Variants in PRRX1 observed in about 807,000 individuals in gnomAD.
PRRX1 encodes paired related homeobox 1.
Under a neutral mutation model 24.0 loss-of-function variants are expected in PRRX1, and 8 were observed. That is an observed-to-expected ratio of 0.33 (90% CI 0.20 to 0.60). PRRX1 has a LOEUF of 0.60. PRRX1 is among the 20% of genes least tolerant of loss of function. The pLI is 0.82. For synonymous variants in PRRX1, 160 were observed against 131.7 expected (o/e 1.22, Z -1.47); for missense variants, 281 against 322.4 (o/e 0.87, Z 0.98).
At chr1:170,691,083 C>T (rs537183427) in intron 1 of PRRX1, among the ~76,000 whole-genome samples, 20 of 151,994 alleles carry the variant, frequency 1.3e-4, no homozygotes, top group Admixed American at 4.6e-4. Context: ...TGAAAGCTAT[C>T]GAGAGAGCAA....
At chr1:170,709,142 T>C (rs1654665945) in intron 1 of PRRX1, among the ~76,000 whole-genome samples, 1 of 152,172 alleles carries the variant, frequency 6.6e-6, no homozygotes, top group African/African-American at 2.4e-5. Context: ...TTACAGACTG[T>C]CATAAGTGTT....
At chr1:170,674,225 C>T (rs964972746) in intron 1 of PRRX1, among the ~76,000 whole-genome samples, 13 of 151,816 alleles carry the variant, frequency 8.6e-5, no homozygotes, top group East Asian at 3.9e-4. Flanking sequence ...CACGTGTGCG[C>T]GCTTGCGCAC....
At chr1:170,735,857 C>T (rs375268402) in intron 3 of PRRX1, among the ~76,000 whole-genome samples, 191 bp from the exon 4 acceptor site, 1 of 152,290 alleles carries the variant, frequency 6.6e-6, no homozygotes, top group African/African-American at 2.4e-5. Flanking sequence ...CTCTTCAAAA[C>T]ATGACCACTC....
intron 1 of PRRX1, among the ~76,000 whole-genome samples, chr1:170,700,927 C>T (rs879347321): frequency 6.6e-6 from 1 of 152,144 alleles, no homozygotes; most frequent in Non-Finnish European, 1.5e-5. Flanking sequence ...TATCACTTAC[C>T]AGCACTGCAT....
chr1:170,736,150 T>G lies in PRRX1; in HGVS notation c.702T>G (p.Tyr234Ter). The G allele has an allele frequency of 6.2e-7, 1 of 1,614,134 alleles. No individual in the cohort carries two copies. The highest frequency in any genetic ancestry group is 8.5e-7 in the Non-Finnish European group (1 of 1,180,008). Residue 234 changes from tyrosine (Y) to a stop codon, truncating the protein, a stop_gained, in exon 4 of 4, where the codon TAT becomes TAG. Transcript: ENST00000239461. LOFTEE classifies it high-confidence loss of function. ...IANLRLKAKE[Y>*]SLQRNQVPTV... ...ACCTGAGACTGAAGGCCAAGGAATATAGTTTACAGAGGAACCAGGTGCCAA... is the reference window on the plus strand; with the variant it reads ...ACCTGAGACTGAAGGCCAAGGAATAGAGTTTACAGAGGAACCAGGTGCCAA...
At chr1:170,696,625 G>A (rs1654180344) in intron 1 of PRRX1, among the ~76,000 whole-genome samples, 1 of 152,106 alleles carries the variant, frequency 6.6e-6, no homozygotes, top group African/African-American at 2.4e-5. Context: ...TTAAAAGGTA[G>A]GAAAACCTAT....
chr1:170,735,320 T>C (rs1190123884), intron 3 of PRRX1, among the ~76,000 whole-genome samples: 3 of 152,170 alleles, frequency 2.0e-5, no homozygotes, highest in Non-Finnish European at 4.4e-5. Flanking sequence ...AAATCAAGAA[T>C]GCTGAAAATG....
chr1:170,730,371 G>A (rs963930103), intron 3 of PRRX1: 1 of 1,580,926 alleles, frequency 6.3e-7, no homozygotes, highest in African/African-American at 1.3e-5. Context: ...AGGGGGAAGA[G>A]GGTGGCTGCT....
At chr1:170,724,397 T>C (rs12142379) in intron 2 of PRRX1, among the ~76,000 whole-genome samples, 7,194 of 152,338 alleles carry the variant, frequency 0.047, 249 homozygotes, top group Middle Eastern at 0.13. Context: ...TATTTTCTTC[T>C]AGAGCTTTTA....
chr1:170,664,446 C>T lies in PRRX1; in HGVS notation c.228C>T (p.Thr76=), dbSNP rs758685257. Reference sequence around the variant, plus strand: ...CGGGACTCACCAGCGGCAGCGACACCCCGCAGCAGGACAGTGAGTGAGGGG... The same window carrying T: ...CGGGACTCACCAGCGGCAGCGACACTCCGCAGCAGGACAGTGAGTGAGGGG... The part of the protein sequence containing the change: ...ESPGLTSGSD[T]PQQDNDQLNS... The change falls in exon 1 of 4, where the codon ACC becomes ACT. Residue 76 remains threonine, a synonymous_variant. Coordinates refer to ENST00000239461, the MANE Select transcript of PRRX1 (RefSeq NM_022716.4). The T allele has an allele frequency of 6.2e-7, 1 of 1,603,416 alleles. No homozygotes were observed. The highest frequency in any genetic ancestry group is 1.3e-5 in the African/African-American group (1 of 74,822).
chr1:170,698,172 C>A (rs1055796440), intron 1 of PRRX1, among the ~76,000 whole-genome samples: 1 of 152,102 alleles, frequency 6.6e-6, no homozygotes, highest in East Asian at 1.9e-4. Flanking sequence ...AAATAATCAT[C>A]TGTAAGCTTT....
rs1655681341 is a variant in PRRX1 at position 170,738,096 on chromosome 1, T to G, written c.*1910T>G. On this transcript the variant is annotated 3_prime_UTR_variant, in exon 4 of 4. Coordinates refer to ENST00000239461, the MANE Select transcript of PRRX1 (RefSeq NM_022716.4). Reference sequence around the variant, plus strand: ...AATAATTTAAGACACATAGAACAGATTTTTTTAATTTATATTTTCATCCTG... The same window carrying G: ...AATAATTTAAGACACATAGAACAGAGTTTTTTAATTTATATTTTCATCCTG... The G allele has an allele frequency of 4.6e-6, 1 of 216,444 alleles. No individual in the cohort carries two copies. Among genetic ancestry groups the G allele is most frequent in the Admixed American group, 5.8e-5 (1 of 17,228 alleles). 13.4% of individuals were successfully genotyped at this position (216,444 alleles called of 1,614,324 possible).
intron 1 of PRRX1, among the ~76,000 whole-genome samples, chr1:170,674,891 A>G (rs1320638105): frequency 6.6e-6 from 1 of 152,190 alleles, no homozygotes; most frequent in Non-Finnish European, 1.5e-5. Context: ...AGATACAATT[A>G]ATATTTTGGT....
intron 2 of PRRX1, among the ~76,000 whole-genome samples, chr1:170,725,209 G>T (rs1333065118): frequency 1.3e-5 from 2 of 152,074 alleles, no homozygotes; most frequent in African/African-American, 2.4e-5. Flanking sequence ...CTAGATACAG[G>T]ATCAGGTCAT....
intron 1 of PRRX1, among the ~76,000 whole-genome samples, chr1:170,671,758 C>T (rs1167903571): frequency 6.6e-6 from 1 of 152,124 alleles, no homozygotes; most frequent in Admixed American, 6.5e-5. Flanking sequence ...GTCGGGGTTC[C>T]AGGGTGGCAG....
intron 1 of PRRX1, among the ~76,000 whole-genome samples, chr1:170,692,442 TA>T (rs1654020361): frequency 6.6e-6 from 1 of 152,142 alleles, no homozygotes; most frequent in Admixed American, 6.6e-5. Context: ...ACAATGTAGC[TA>T]ACTTTCTAGA....
At chr1:170,693,596 A>G (rs1440008523) in intron 1 of PRRX1, among the ~76,000 whole-genome samples, 1 of 152,160 alleles carries the variant, frequency 6.6e-6, no homozygotes, top group Non-Finnish European at 1.5e-5. Context: ...TAATTTGGAA[A>G]TGTATGTTGT....
At chr1:170,718,555 C>T (rs1026255178) in intron 1 of PRRX1, among the ~76,000 whole-genome samples, 1 of 152,218 alleles carries the variant, frequency 6.6e-6, no homozygotes, top group African/African-American at 2.4e-5. Context: ...TGGCCAAGCT[C>T]TCCTTGTTCT....
chr1:170,688,739 AT>A (rs942246297), intron 1 of PRRX1, among the ~76,000 whole-genome samples: 5 of 152,130 alleles, frequency 3.3e-5, no homozygotes, highest in Admixed American at 3.3e-4. Context: ...TTTTGCACCC[AT>A]TTAATTGTGA....
Sources: gnomAD v4.1 joint callset for allele counts (sites outside exome capture counted in the v4.1 genomes callset) on GRCh38, gnomAD v4.1.1 for gene constraint, MANE v1.5 for transcripts, NCBI Gene and HGNC (gene_info 2026-07-23, HGNC 2026-07-21) for gene names.